BICD1: variants seen among roughly 807,000 people sequenced by gnomAD.
BICD1 encodes the protein protein bicaudal D homolog 1.
BICD1 carries 35 observed loss-of-function variants against 92.5 expected under a neutral mutation model. That is an observed-to-expected ratio of 0.38 (90% CI 0.29 to 0.50). The LOEUF is 0.50. Among genes scored for constraint, BICD1 ranks in the 20% least tolerant of loss-of-function variants. The pLI, the probability that BICD1 is intolerant of heterozygous loss-of-function variation, is 0.93. For missense variants in BICD1, 950 were observed against 1,189.8 expected, an observed-to-expected ratio of 0.80 and a Z score of 2.97; for synonymous variants, 429 against 465.1, an observed-to-expected ratio of 0.92 and a Z score of 1.00.
intron 1 of BICD1, among the ~76,000 whole-genome samples, chr12:32,207,670 TAA>T (rs1257219351): frequency 2.0e-5 from 3 of 152,170 alleles, no homozygotes; most frequent in Non-Finnish European, 4.4e-5. Flanking sequence ...GGAGTTATGT[TAA>T]AAGCTAGAAA....
chr12:32,354,044 T>A (rs1939000278), intron 8 of BICD1: 1 of 152,204 alleles, frequency 6.6e-6, no homozygotes, highest in Non-Finnish European at 1.5e-5. Flanking sequence ...ATGCTCATGG[T>A]TTAATTGTAA....
intron 8 of BICD1, among the ~76,000 whole-genome samples, chr12:32,358,742 AAAAGT>A (rs1234250053): frequency 6.6e-6 from 1 of 152,172 alleles, no homozygotes; most frequent in Non-Finnish European, 1.5e-5. Flanking sequence ...CCTCAGAAAA[AAAAGT>A]AATACAGAAA....
intron 3 of BICD1, 80 bp from the exon 4 acceptor site, chr12:32,305,617 G>T: frequency 7.9e-7 from 1 of 1,266,330 alleles, no homozygotes; most frequent in South Asian, 1.6e-5. Flanking sequence ...TAAGTGATTA[G>T]GTCCACTAGA....
intron 2 of BICD1, among the ~76,000 whole-genome samples, chr12:32,284,824 TAA>T (rs1238384877): frequency 2.0e-5 from 3 of 152,202 alleles, no homozygotes; most frequent in African/African-American, 7.2e-5. Context: ...TTAAGAACTT[TAA>T]AGATTCCAAG....
rs1375853554 is a variant in BICD1 at position 32,318,111 on chromosome 12, G to A, written c.1006-9350G>A. Among the ~76,000 whole-genome samples, 8 of 151,848 alleles carry A rather than the reference G, an allele frequency of 5.3e-5. No homozygotes were observed. The East Asian group carries it at 1.5e-3, about 29-fold the overall frequency. On this transcript the variant is annotated intron_variant, in intron 4 of 9. Transcript: ENST00000652176. ...CCAGTACCATGCTGTTTTGGTTACTGTAGCCTTGTAGTATAGTTTGAAGTC... is the reference window on the plus strand; with the variant it reads ...CCAGTACCATGCTGTTTTGGTTACTATAGCCTTGTAGTATAGTTTGAAGTC...
rs139314914 is a variant in BICD1, at chr12:32,297,058, T to C, written c.579+2912T>C. Among the ~76,000 whole-genome samples the C allele has an allele frequency of 2.5e-3, 387 of 152,348 alleles. 3 individuals are homozygous for C. The highest frequency in any genetic ancestry group is 8.8e-3 in the African/African-American group (367 of 41,578). On this transcript the variant is annotated intron_variant, in intron 3 of 9. Transcript: ENST00000652176. Reference sequence around the variant, plus strand: ...AAATCATTTTCTGCACAGAGCACCATTCTGGTTTATTCCCTGAAATTGGGG... The same window carrying C: ...AAATCATTTTCTGCACAGAGCACCACTCTGGTTTATTCCCTGAAATTGGGG...
chr12:32,251,424 G>A (rs1029137842), intron 2 of BICD1, among the ~76,000 whole-genome samples: 1 of 152,264 alleles, frequency 6.6e-6, no homozygotes, highest in African/African-American at 2.4e-5. Context: ...ATTCTGAAAT[G>A]CGTCTCACTG....
At chr12:32,361,254 G>A (rs1246831533) in intron 8 of BICD1, among the ~76,000 whole-genome samples, 5 of 152,130 alleles carry the variant, frequency 3.3e-5, no homozygotes, top group African/African-American at 7.2e-5. Flanking sequence ...TTGACATCAC[G>A]TCTTAAAAGG....
chr12:32,246,997 C>T (rs1404313425), intron 2 of BICD1, among the ~76,000 whole-genome samples: 2 of 152,032 alleles, frequency 1.3e-5, no homozygotes, highest in Non-Finnish European at 2.9e-5. Flanking sequence ...GTGGCTCACA[C>T]CTGTAATCTA....
chr12:32,252,345 T>A (rs1946590307), intron 2 of BICD1, among the ~76,000 whole-genome samples: 2 of 151,392 alleles, frequency 1.3e-5, no homozygotes, highest in Admixed American at 1.3e-4. Context: ...TTCAGTCCGA[T>A]TCACATCAAA....
chr12:32,278,863 TAAAATAAA>T (rs1381645914), intron 2 of BICD1, among the ~76,000 whole-genome samples: 2 of 105,026 alleles, frequency 1.9e-5, no homozygotes, highest in Non-Finnish European at 4.2e-5. Context: ...CTCAAAGAAA[TAAAATAAA>T]TAAATAAATA....
chr12:32,339,657 T>C (rs1938284892), intron 8 of BICD1: 3 of 985,378 alleles, frequency 3.0e-6, no homozygotes, highest in Non-Finnish European at 3.6e-6. Flanking sequence ...ATATGGCAAA[T>C]AGAGAAAATT....
rs1042207436 is a variant in BICD1, at chr12:32,382,300, A to G, written c.*4673A>G. On this transcript the variant is annotated 3_prime_UTR_variant, in exon 10 of 10. Coordinates refer to ENST00000652176, the MANE Select transcript of BICD1 (RefSeq NM_001714.4). ...GTTCCCCAATTGAGAATTTTCCAGA[A>G]TATTCTACTTAAGAAGAAGAAGAGC... 5.4e-5 allele frequency: 8 copies of G among 146,898 alleles called. No individual in the cohort carries two copies. Among genetic ancestry groups the G allele is most frequent in the African/African-American group, 1.5e-4 (6 of 41,222 alleles). 9.1% of individuals were successfully genotyped at this position (146,898 alleles called of 1,614,324 possible). A position where few individuals can be genotyped will look rare whatever the true frequency, so the allele number is the denominator to read the frequency against.
At chr12:32,163,391 G>T (rs569228618) in intron 1 of BICD1, among the ~76,000 whole-genome samples, 3 of 151,916 alleles carry the variant, frequency 2.0e-5, no homozygotes, top group Non-Finnish European at 4.4e-5. Context: ...CATGTTTATT[G>T]TGGAGAATTT....
intron 2 of BICD1, among the ~76,000 whole-genome samples, chr12:32,237,783 C>T (rs1946115871): frequency 6.6e-6 from 1 of 152,224 alleles, no homozygotes; most frequent in Non-Finnish European, 1.5e-5. Context: ...TATTACTGCT[C>T]ATTGACAGTG....
intron 1 of BICD1, chr12:32,108,543 G>A: frequency 3.4e-6 from 2 of 586,442 alleles, no homozygotes; most frequent in Non-Finnish European, 6.1e-6. Flanking sequence ...CTCCTTTTCT[G>A]TGTGTCAAGT....
intron 2 of BICD1, among the ~76,000 whole-genome samples, chr12:32,261,361 G>A (rs1383545390): frequency 6.6e-6 from 1 of 152,000 alleles, no homozygotes; most frequent in Admixed American, 6.5e-5. Flanking sequence ...GGGCTGTTCC[G>A]GCTTAGTGCT....
chr12:32,216,706 G>A (rs1222095509), intron 2 of BICD1, among the ~76,000 whole-genome samples: 1 of 152,070 alleles, frequency 6.6e-6, no homozygotes, highest in Non-Finnish European at 1.5e-5. Context: ...TTCGGAATTG[G>A]CCTTACTATT....
At chr12:32,373,089 A>T (rs1939801525) in intron 9 of BICD1, among the ~76,000 whole-genome samples, 1 of 152,188 alleles carries the variant, frequency 6.6e-6, no homozygotes, top group Non-Finnish European at 1.5e-5. Flanking sequence ...ACTTGGGAAA[A>T]AAAAAGAAAC....
Sources: gnomAD v4.1 joint callset for allele counts (sites outside exome capture counted in the v4.1 genomes callset) on GRCh38, gnomAD v4.1.1 for gene constraint, MANE v1.5 for transcripts, NCBI Gene and HGNC (gene_info 2026-07-23, HGNC 2026-07-21) for gene names.